Variants in LIPI observed in about 807,000 individuals in gnomAD.
LIPI encodes lipase I, also known as lipase member I.
In LIPI, 59 loss-of-function variants were observed where a neutral mutation model predicts 50.6. The ratio of observed to expected loss-of-function variants is 1.16; its 90% CI spans 0.94 to 1.45. The LOEUF is 1.45. Among genes scored for constraint, LIPI ranks in the 40% most tolerant of loss-of-function variants. LIPI has a pLI of 0.00. For missense variants in LIPI, 586 were observed against 536.3 expected (o/e 1.09, Z -0.92); for synonymous variants, 203 against 178.2 (o/e 1.14, Z -1.11).
intron 7 of LIPI, among the ~76,000 whole-genome samples, chr21:14,154,972 C>A (rs1425949077): frequency 2.6e-5 from 4 of 151,826 alleles, no homozygotes; most frequent in Non-Finnish European, 5.9e-5. Context: ...CTGATGCTAA[C>A]CCTGAGATAA....
intron 7 of LIPI, among the ~76,000 whole-genome samples, chr21:14,156,834 G>C (rs910643642): frequency 6.6e-6 from 1 of 151,782 alleles, no homozygotes; most frequent in African/African-American, 2.4e-5. Flanking sequence ...GAGGAAATAA[G>C]GAACATGGCA....
At chr21:14,161,633 A>T (rs190440365) in intron 7 of LIPI, among the ~76,000 whole-genome samples, 1 of 100,592 alleles carries the variant, frequency 9.9e-6, no homozygotes, top group African/African-American at 4.7e-5. Context: ...ATATATTAAT[A>T]TATAATATAT....
At chr21:14,205,824 G>C (rs1364082177) in intron 1 of LIPI, among the ~76,000 whole-genome samples, 1 of 152,068 alleles carries the variant, frequency 6.6e-6, no homozygotes, top group South Asian at 2.1e-4. Flanking sequence ...AGAAAGATTA[G>C]TATTAATTTT....
At chr21:14,144,913 G>A (rs2123062259) in intron 8 of LIPI, 114 bp from the exon 9 acceptor site, 5 of 622,884 alleles carry the variant, frequency 8.0e-6, no homozygotes, top group South Asian at 6.8e-5. Context: ...ATAGGGAAAA[G>A]GCCAAACAAA....
intron 7 of LIPI, among the ~76,000 whole-genome samples, chr21:14,160,527 C>A (rs911483153): frequency 6.6e-6 from 1 of 151,168 alleles, no homozygotes; most frequent in African/African-American, 2.4e-5. Flanking sequence ...AAATGTAACA[C>A]ATAGAACTAT....
At position 14,152,661 on chromosome 21, in the gene LIPI, T is replaced by C. The variant is rs202154453; in HGVS notation, c.1030A>G (p.Ile344Val). Reference sequence around the variant, plus strand: ...TCCATCATAGTTTTATCTGGAACAATTATACTGAGAACAAAATAATAGGCT... The same window carrying C: ...TCCATCATAGTTTTATCTGGAACAACTATACTGAGAACAAAATAATAGGCT... The part of the protein sequence containing the change: ...FCTYYFVLSI[I>V]VPDKTMMDGS... Residue 344 changes from isoleucine (I) to valine (V), a missense_variant, in exon 8 of 10, where the codon ATT becomes GTT. Transcript: ENST00000681601. 3 of 1,509,074 alleles carry C rather than the reference T, an allele frequency of 2.0e-6. No homozygotes were observed. Among genetic ancestry groups the C allele is most frequent in the Non-Finnish European group, 2.8e-6 (3 of 1,086,840 alleles). 93.5% of individuals were successfully genotyped at this position (1,509,074 alleles called of 1,614,324 possible).
At chr21:14,153,605 A>G (rs2123101756) in intron 7 of LIPI, among the ~76,000 whole-genome samples, 1 of 152,308 alleles carries the variant, frequency 6.6e-6, no homozygotes, top group East Asian at 1.9e-4. Context: ...GAAAGCAGAA[A>G]CAAAGAGAAA....
chr21:14,164,595 T>TTG (rs2018610170), intron 6 of LIPI, among the ~76,000 whole-genome samples: 2 of 152,200 alleles, frequency 1.3e-5, no homozygotes, highest in South Asian at 4.1e-4. Context: ...CATGGCATGC[T>TTG]TGGATCTGGT....
chr21:14,209,904 T>C (rs2020321090), intron 1 of LIPI, among the ~76,000 whole-genome samples: 1 of 151,952 alleles, frequency 6.6e-6, no homozygotes, highest in Non-Finnish European at 1.5e-5. Context: ...AGTAATAATA[T>C]AAATTATAAA....
intron 1 of LIPI, among the ~76,000 whole-genome samples, chr21:14,209,094 C>A (rs2020299660): frequency 6.6e-6 from 1 of 152,086 alleles, no homozygotes; most frequent in African/African-American, 2.4e-5. Context: ...ATAACAGCAA[C>A]AACAAAAATT....
At chr21:14,203,845 T>G (rs997265899) in intron 1 of LIPI, among the ~76,000 whole-genome samples, 2 of 99,270 alleles carry the variant, frequency 2.0e-5, no homozygotes, top group African/African-American at 7.8e-5. Context: ...AAACTTAAAA[T>G]ATAATAAAAA....
intron 8 of LIPI, among the ~76,000 whole-genome samples, chr21:14,151,247 A>G (rs532739517): frequency 6.6e-6 from 1 of 152,312 alleles, no homozygotes; most frequent in South Asian, 2.1e-4. Context: ...ACCTGTGCTA[A>G]TAATACTGTA....
intron 9 of LIPI, among the ~76,000 whole-genome samples, chr21:14,123,836 A>G (rs879898731): frequency 1.3e-5 from 2 of 152,210 alleles, no homozygotes; most frequent in Non-Finnish European, 2.9e-5. Context: ...AATGAGAGAC[A>G]CTATATACCA....
Position 14,189,262 on chromosome 21 carries a change from A to T in LIPI, c.204T>A (p.Val68=), listed in dbSNP as rs144984698. 7.9e-5 allele frequency: 128 copies of T among 1,614,024 alleles called. 1 individual carries two copies. In the East Asian group the frequency reaches 2.7e-3, roughly 35 times the overall value. The change falls in exon 2 of 10, where the codon GTT becomes GTA. Residue 68 remains valine, a synonymous_variant. Coordinates refer to ENST00000681601, the MANE Select transcript of LIPI (RefSeq NM_001302998.2). Reference sequence around the variant, plus strand: ...CTGTTTTCTTTTGTGTGTTGAAATTAACATTAAGTGAGTTATTTTGTTCAA... The same window carrying T: ...CTGTTTTCTTTTGTGTGTTGAAATTTACATTAAGTGAGTTATTTTGTTCAA... ...PLFEQNNSLN[V]NFNTQKKTVW...
chr21:14,132,376 C>A (rs777478968), intron 9 of LIPI, among the ~76,000 whole-genome samples: 3 of 152,098 alleles, frequency 2.0e-5, no homozygotes, highest in Admixed American at 1.3e-4. Flanking sequence ...TTAGCAGAAA[C>A]CTTATGAGCC....
intron 1 of LIPI, among the ~76,000 whole-genome samples, chr21:14,201,901 T>C (rs779627219): frequency 3.3e-5 from 5 of 152,210 alleles, no homozygotes; most frequent in Non-Finnish European, 5.9e-5. Flanking sequence ...AAATTGTCCC[T>C]GTTTGCAGAT....
intron 4 of LIPI, among the ~76,000 whole-genome samples, chr21:14,171,782 A>T (rs1057406756): frequency 2.0e-5 from 3 of 151,808 alleles, no homozygotes; most frequent in Admixed American, 6.6e-5. Flanking sequence ...AACCTAGGCA[A>T]TACCATTCAG....
intron 1 of LIPI, among the ~76,000 whole-genome samples, chr21:14,201,708 G>C (rs1028025345): frequency 2.6e-5 from 4 of 152,118 alleles, no homozygotes; most frequent in African/African-American, 4.8e-5. Context: ...AGCTATCTAT[G>C]ACAAGCCCAC....
chr21:14,160,844 A>G (rs1420504714), intron 7 of LIPI, among the ~76,000 whole-genome samples: 1 of 151,404 alleles, frequency 6.6e-6, no homozygotes, highest in Admixed American at 6.6e-5. Context: ...ACGAATACAC[A>G]TTTCACCAAA....
Sources: allele counts gnomAD v4.1 joint callset (sites outside exome capture counted in the v4.1 genomes callset), GRCh38; gene constraint gnomAD v4.1.1; transcripts MANE v1.5; gene names NCBI Gene and HGNC (gene_info 2026-07-23, HGNC 2026-07-21).